Variants in MMP16 observed in about 807,000 individuals in gnomAD.
MMP16 encodes the protein matrix metalloproteinase-16.
A neutral mutation model predicts 67.8 loss-of-function variants in MMP16; 12 were observed. The ratio of observed to expected loss-of-function variants is 0.18; its 90% CI spans 0.11 to 0.29. The LOEUF (loss-of-function observed/expected upper bound fraction) is 0.29. Ranked by LOEUF, MMP16 falls within the 10% of genes least tolerant of loss-of-function variation. MMP16 has a pLI of 1.00. For synonymous variants in MMP16, 249 were observed against 255.9 expected (o/e 0.97, Z 0.26); for missense variants, 475 against 765.7 (o/e 0.62, Z 4.48).
At chr8:88,304,760 CA>C (rs1811187627) in intron 1 of MMP16, among the ~76,000 whole-genome samples, 3 of 152,154 alleles carry the variant, frequency 2.0e-5, no homozygotes, top group Admixed American at 1.3e-4. Context: ...GGGAATTCAT[CA>C]TCATGAGGCC....
At chr8:88,087,492 A>G (rs896367701) in intron 6 of MMP16, among the ~76,000 whole-genome samples, 1 of 151,924 alleles carries the variant, frequency 6.6e-6, no homozygotes, top group Non-Finnish European at 1.5e-5. Flanking sequence ...GATATGACAT[A>G]GGAAGAGGGA....
rs146005355 is a variant in MMP16 at position 88,127,315 on chromosome 8, G to C, written c.710-8454C>G. ...TAATTTGGCCTCAGTATGCAAATAT[G>C]ATTGGAGTATGATGCAATATGAAAT... On this transcript the variant is annotated intron_variant, in intron 4 of 9. Transcript: ENST00000286614. Among the ~76,000 whole-genome samples, 3 of 151,926 alleles carry C rather than the reference G, an allele frequency of 2.0e-5. No individual in the cohort carries two copies. The East Asian group carries it at 5.9e-4, about 30-fold the overall frequency.
chr8:88,215,858 C>T (rs1283035702), intron 1 of MMP16, among the ~76,000 whole-genome samples: 7 of 152,052 alleles, frequency 4.6e-5, no homozygotes, highest in Non-Finnish European at 1.0e-4. Context: ...ACATGTATGG[C>T]TAATAGACAT....
intron 4 of MMP16, among the ~76,000 whole-genome samples, chr8:88,138,445 G>A (rs1196406709): frequency 2.0e-5 from 3 of 151,868 alleles, no homozygotes; most frequent in Non-Finnish European, 4.4e-5. Context: ...CTTTTTGACT[G>A]GCTCTTAGAT....
intron 1 of MMP16, among the ~76,000 whole-genome samples, chr8:88,279,082 C>G (rs772921289): frequency 4.6e-5 from 7 of 151,864 alleles, no homozygotes; most frequent in Non-Finnish European, 1.0e-4. Flanking sequence ...ATGAGCTAAG[C>G]GTGATGGCAT....
chr8:88,259,768 A>G (rs955907508), intron 1 of MMP16, among the ~76,000 whole-genome samples: 1 of 152,132 alleles, frequency 6.6e-6, no homozygotes, highest in Non-Finnish European at 1.5e-5. Flanking sequence ...ATTTTAGGAA[A>G]AGGTACAAAT....
At chr8:88,080,222 A>C (rs1305344272) in intron 6 of MMP16, among the ~76,000 whole-genome samples, 1 of 152,186 alleles carries the variant, frequency 6.6e-6, no homozygotes, top group Admixed American at 6.5e-5. Flanking sequence ...CAGATCTCCC[A>C]ATTTTTTTCA....
chr8:88,092,042 T>C (rs527940772), intron 6 of MMP16, among the ~76,000 whole-genome samples: 1 of 151,930 alleles, frequency 6.6e-6, no homozygotes, highest in Admixed American at 6.6e-5. Flanking sequence ...AATGCAGCAG[T>C]GATCCAAGAC....
At chr8:88,278,946 A>G (rs974685583) in intron 1 of MMP16, among the ~76,000 whole-genome samples, 2 of 152,174 alleles carry the variant, frequency 1.3e-5, no homozygotes, top group Non-Finnish European at 2.9e-5. Flanking sequence ...AAATGGTAGT[A>G]CTAGACTCAT....
At chr8:88,150,884 G>C (rs1192509517) in intron 4 of MMP16, among the ~76,000 whole-genome samples, 2 of 142,556 alleles carry the variant, frequency 1.4e-5, no homozygotes, top group Non-Finnish European at 3.1e-5. Flanking sequence ...AATGTAAATG[G>C]ACTAAATGCT....
chr8:88,282,510 C>T (rs1810757809), intron 1 of MMP16, among the ~76,000 whole-genome samples: 1 of 152,158 alleles, frequency 6.6e-6, no homozygotes, highest in South Asian at 2.1e-4. Context: ...GTTGAGTATG[C>T]CACCTCTTTT....
chr8:88,087,116 G>T (rs575072660), intron 6 of MMP16, among the ~76,000 whole-genome samples: 56 of 151,928 alleles, frequency 3.7e-4, no homozygotes, highest in African/African-American at 1.3e-3. Flanking sequence ...TCTCTTTCCT[G>T]CTCCTATAGT....
At chr8:88,081,935 A>G (rs1282027729) in intron 6 of MMP16, among the ~76,000 whole-genome samples, 2 of 152,164 alleles carry the variant, frequency 1.3e-5, no homozygotes, top group East Asian at 3.9e-4. Flanking sequence ...ATATAAAAAC[A>G]TTGGTTGTGA....
chr8:88,049,598 T>C (rs1294257829), intron 8 of MMP16, among the ~76,000 whole-genome samples: 2 of 152,218 alleles, frequency 1.3e-5, no homozygotes. Flanking sequence ...GCCCTTACAA[T>C]AGATGCAGCG....
At position 88,038,240 on chromosome 8, in the gene MMP16, T is replaced by C. The variant is rs1045810565; in HGVS notation, c.*3221A>G. On this transcript the variant is annotated 3_prime_UTR_variant, in exon 10 of 10. Coordinates refer to ENST00000286614, the MANE Select transcript of MMP16 (RefSeq NM_005941.5). The surrounding 1 kb of genome is among the most constrained non-coding windows in gnomAD (Gnocchi z 4.1). ...GTCCTTATTGTCTTCTTATCTCTTG[T>C]AATAGTACAGCCTGATAACTGAAAT... is the stretch of plus-strand genomic sequence containing the variant. The C allele has an allele frequency of 7.9e-5, 12 of 152,028 alleles. No individual in the cohort carries two copies. Among genetic ancestry groups the C allele is most frequent in the African/African-American group, 2.7e-4 (11 of 41,440 alleles). 9.4% of individuals were successfully genotyped at this position (152,028 alleles called of 1,614,324 possible). A position where few individuals can be genotyped will look rare whatever the true frequency, so the allele number is the denominator to read the frequency against.
intron 6 of MMP16, among the ~76,000 whole-genome samples, chr8:88,078,700 C>CA (rs1202113097): frequency 6.6e-6 from 1 of 152,046 alleles, no homozygotes; most frequent in African/African-American, 2.4e-5. Flanking sequence ...CAAAACAAAA[C>CA]AAAAAACAAA....
At chr8:88,228,178 T>C (rs527822919) in intron 1 of MMP16, among the ~76,000 whole-genome samples, 1 of 152,108 alleles carries the variant, frequency 6.6e-6, no homozygotes, top group Non-Finnish European at 1.5e-5. Flanking sequence ...GCTAATGGTA[T>C]AAATTGGCAA....
intron 1 of MMP16, among the ~76,000 whole-genome samples, chr8:88,253,884 G>C (rs151273334): frequency 9.2e-5 from 14 of 151,792 alleles, no homozygotes; most frequent in Admixed American, 1.3e-4. Flanking sequence ...CTGTTGCCCA[G>C]GTTGGTCTGA....
rs955791505 is a variant in MMP16, at chr8:88,086,449, A to G, written c.1084-11706T>C. Among the ~76,000 whole-genome samples, 5 of 151,922 alleles carry G rather than the reference A, an allele frequency of 3.3e-5. No individual in the cohort carries two copies. In the East Asian group the frequency reaches 7.7e-4, roughly 24 times the overall value. Reference sequence around the variant, plus strand: ...CCATTGTACTAACAGTTCTGGATTCAAAAATATGAACTCTTTGAGAATGTA... The same window carrying G: ...CCATTGTACTAACAGTTCTGGATTCGAAAATATGAACTCTTTGAGAATGTA... On this transcript the variant is annotated intron_variant, in intron 6 of 9. Transcript: ENST00000286614.
Sources: allele counts gnomAD v4.1 joint callset (sites outside exome capture counted in the v4.1 genomes callset), GRCh38; gene constraint gnomAD v4.1.1; non-coding constraint Gnocchi (gnomAD v3.1); transcripts MANE v1.5; gene names NCBI Gene and HGNC (gene_info 2026-07-23, HGNC 2026-07-21).